Variants in FOXJ3 observed in about 807,000 individuals in gnomAD.
FOXJ3 encodes forkhead box protein J3.
In FOXJ3, 22 loss-of-function variants were observed where a neutral mutation model predicts 76.1. The ratio of observed to expected loss-of-function variants is 0.29; its 90% CI spans 0.21 to 0.41. The LOEUF (loss-of-function observed/expected upper bound fraction) is 0.41. Among genes scored for constraint, FOXJ3 ranks in the 10% least tolerant of loss-of-function variants. FOXJ3 has a pLI of 1.00. For synonymous variants in FOXJ3, 269 were observed against 261.2 expected, an observed-to-expected ratio of 1.03 and a Z score of -0.29; for missense variants, 613 against 762.1, an observed-to-expected ratio of 0.80 and a Z score of 2.30.
At chr1:42,308,573 C>T (rs909168426) in intron 2 of FOXJ3, among the ~76,000 whole-genome samples, 27 of 152,090 alleles carry the variant, frequency 1.8e-4, no homozygotes, top group African/African-American at 6.5e-4. Flanking sequence ...CACTAAATAT[C>T]ATGACTCCGA....
At chr1:42,254,584 G>C (rs1650413350) in intron 4 of FOXJ3, among the ~76,000 whole-genome samples, 1 of 147,796 alleles carries the variant, frequency 6.8e-6, no homozygotes, top group Admixed American at 6.8e-5. Flanking sequence ...AACAATGATA[G>C]ACTGGATTAA....
intron 4 of FOXJ3, among the ~76,000 whole-genome samples, chr1:42,253,814 C>A (rs1437520424): frequency 6.6e-5 from 10 of 152,008 alleles, no homozygotes; most frequent in South Asian, 2.1e-4. Flanking sequence ...AAATTAATTC[C>A]AGATGGATTA....
chr1:42,273,674 C>CAAAA lies in FOXJ3; in HGVS notation c.369+4670_369+4673dup, dbSNP rs35528514. Among the ~76,000 whole-genome samples the CAAAA allele has an allele frequency of 4.2e-3, 363 of 85,868 alleles. 7 individuals carry two copies. Among genetic ancestry groups the CAAAA allele is most frequent in the African/African-American group, 9.5e-3 (194 of 20,438 alleles). The allele number at this position is 85,868 out of a possible 152,430, so 56.3% of individuals were successfully genotyped here. Reference sequence around the variant, plus strand: ...TGGACAACAGAGCGACACTCCATCTCAAAAAAAAAAAAAAAAAAAAATTGC... The same window carrying CAAAA: ...TGGACAACAGAGCGACACTCCATCTCAAAAAAAAAAAAAAAAAAAAAAAAATTGC... On this transcript the variant is annotated intron_variant, in intron 3 of 12. Coordinates refer to ENST00000361346, the MANE Select transcript of FOXJ3 (RefSeq NM_014947.5).
At chr1:42,293,195 G>A (rs1390102622) in intron 2 of FOXJ3, among the ~76,000 whole-genome samples, 2 of 152,036 alleles carry the variant, frequency 1.3e-5, no homozygotes, top group Non-Finnish European at 2.9e-5. Flanking sequence ...TTTGTGATTA[G>A]GAATAAGTAA....
chr1:42,334,220 G>C, intron 1 of FOXJ3: 1 of 571,436 alleles, frequency 1.7e-6, no homozygotes, highest in Non-Finnish European at 2.2e-6. Context: ...GAGGAAAAAA[G>C]ATGTTAATGA....
At chr1:42,328,651 C>T (rs886199540) in intron 1 of FOXJ3, among the ~76,000 whole-genome samples, 2 of 150,340 alleles carry the variant, frequency 1.3e-5, no homozygotes, top group African/African-American at 2.4e-5. Flanking sequence ...CTAATTATCT[C>T]ATATCACATA....
intron 1 of FOXJ3, among the ~76,000 whole-genome samples, chr1:42,333,435 G>A (rs1656277147): frequency 1.3e-5 from 2 of 151,996 alleles, no homozygotes; most frequent in African/African-American, 4.8e-5. Flanking sequence ...GAAAGCATGA[G>A]AAACTTCCCA....
chr1:42,227,517 G>A (rs893700685), intron 5 of FOXJ3, among the ~76,000 whole-genome samples: 5 of 152,150 alleles, frequency 3.3e-5, no homozygotes, highest in Admixed American at 2.6e-4. Flanking sequence ...GAGGACAATG[G>A]GGAAAATTCA....
chr1:42,312,658 G>A (rs1654882161), intron 1 of FOXJ3, among the ~76,000 whole-genome samples: 2 of 152,266 alleles, frequency 1.3e-5, no homozygotes, highest in Admixed American at 1.3e-4. Context: ...AGGTGAAACA[G>A]TGGAAACTAG....
intron 2 of FOXJ3, among the ~76,000 whole-genome samples, chr1:42,297,773 AC>A: frequency 6.6e-6 from 1 of 151,898 alleles, no homozygotes; most frequent in East Asian, 1.9e-4. Context: ...TGACTTTGAT[AC>A]TGGTGTCCTC....
At chr1:42,249,367 T>C (rs1006336085) in intron 4 of FOXJ3, among the ~76,000 whole-genome samples, 2 of 152,148 alleles carry the variant, frequency 1.3e-5, no homozygotes, top group South Asian at 4.1e-4. Flanking sequence ...TTACCTAAAG[T>C]AGTCATTAAG....
Position 42,288,748 on chromosome 1 carries a change from T to C in FOXJ3, c.45-10076A>G, listed in dbSNP as rs1167070951. 2.8e-5 allele frequency among the ~76,000 whole-genome samples: 4 copies of C among 141,038 alleles called. No homozygotes were observed. The Admixed American group carries it at 3.0e-4, about 11-fold the overall frequency. The allele number at this position is 141,038 out of a possible 152,430, so 92.5% of individuals were successfully genotyped here. A position where few individuals can be genotyped will look rare whatever the true frequency, so the allele number is the denominator to read the frequency against. On this transcript the variant is annotated intron_variant, in intron 2 of 12. Coordinates refer to ENST00000361346, the MANE Select transcript of FOXJ3 (RefSeq NM_014947.5). ...GTATAGTAGAGCTTTTCAGATACTA[T>C]GTGGTGTGTGATATCACAACAGATT...
intron 2 of FOXJ3, among the ~76,000 whole-genome samples, chr1:42,294,782 G>T (rs944763326): frequency 3.5e-5 from 3 of 86,242 alleles, no homozygotes; most frequent in Non-Finnish European, 5.1e-5. Context: ...AAAAAAAGAC[G>T]CCATGAACTT....
At chr1:42,267,446 A>C (rs554254393) in intron 3 of FOXJ3, among the ~76,000 whole-genome samples, 10 of 152,312 alleles carry the variant, frequency 6.6e-5, no homozygotes, top group African/African-American at 2.2e-4. Flanking sequence ...CACATTACTG[A>C]CAGACAGACT....
At chr1:42,289,813 T>C (rs567584433) in intron 2 of FOXJ3, among the ~76,000 whole-genome samples, 2 of 152,178 alleles carry the variant, frequency 1.3e-5, no homozygotes, top group African/African-American at 4.8e-5. Flanking sequence ...GGATCATAAA[T>C]ACATTCTATC....
At chr1:42,231,256 G>A (rs1157406122) in intron 4 of FOXJ3, among the ~76,000 whole-genome samples, 1 of 152,098 alleles carries the variant, frequency 6.6e-6, no homozygotes, top group Non-Finnish European at 1.5e-5. Context: ...AACCCAGAAG[G>A]CAGAGCTCGC....
chr1:42,223,520 G>A (rs1647313161), intron 5 of FOXJ3, among the ~76,000 whole-genome samples: 1 of 152,150 alleles, frequency 6.6e-6, no homozygotes, highest in Admixed American at 6.5e-5. Context: ...CATGCATGCT[G>A]TGTCTCCAAG....
chr1:42,215,449 A>G (rs994089407), intron 5 of FOXJ3, among the ~76,000 whole-genome samples: 6 of 152,212 alleles, frequency 3.9e-5, no homozygotes, highest in African/African-American at 1.2e-4. Context: ...TATGAAAAAA[A>G]GAACAGAGCC....
chr1:42,301,692 T>C (rs1323491279), intron 2 of FOXJ3, among the ~76,000 whole-genome samples: 3 of 152,246 alleles, frequency 2.0e-5, no homozygotes, highest in Non-Finnish European at 4.4e-5. Flanking sequence ...TTTTTAGTGA[T>C]ATCTCCTTTC....
Sources: allele counts gnomAD v4.1 joint callset (sites outside exome capture counted in the v4.1 genomes callset), GRCh38; gene constraint gnomAD v4.1.1; transcripts MANE v1.5; gene names NCBI Gene and HGNC (gene_info 2026-07-23, HGNC 2026-07-21).